Variants in PPP3CA observed in about 807,000 individuals in gnomAD.
The protein encoded by PPP3CA is CAM-PRP catalytic subunit.
In PPP3CA, 14 loss-of-function variants were observed where a neutral mutation model predicts 66.5. The observed-to-expected ratio is 0.21, with a 90% CI of 0.14 to 0.33. The LOEUF is 0.33. Among genes scored for constraint, PPP3CA ranks in the 10% least tolerant of loss-of-function variants. The pLI is 1.00. For missense variants in PPP3CA, 317 were observed against 639.5 expected, an observed-to-expected ratio of 0.50 and a Z score of 5.44; for synonymous variants, 232 against 226.2, an observed-to-expected ratio of 1.03 and a Z score of -0.23.
At chr4:101,216,080 CT>C (rs1457250282) in intron 1 of PPP3CA, among the ~76,000 whole-genome samples, 4 of 152,042 alleles carry the variant, frequency 2.6e-5, no homozygotes, top group Admixed American at 2.6e-4. Flanking sequence ...GATTTAATAT[CT>C]AATAGAAGAA....
chr4:101,098,296 G>T, intron 5 of PPP3CA, 71 bp downstream of exon 5: 1 of 1,412,622 alleles, frequency 7.1e-7, no homozygotes, highest in Non-Finnish European at 9.5e-7. Context: ...GATAAAGGCA[G>T]GGTAATTAAT....
chr4:101,192,102 A>G (rs1321466389), intron 2 of PPP3CA, among the ~76,000 whole-genome samples: 2 of 152,226 alleles, frequency 1.3e-5, no homozygotes, highest in African/African-American at 4.8e-5. Context: ...AAATATGAGA[A>G]CTTCAGGGAG....
At chr4:101,106,376 A>AGAAG in intron 3 of PPP3CA, among the ~76,000 whole-genome samples, 2 of 2,490 alleles carry the variant, frequency 8.0e-4, no homozygotes, top group Non-Finnish European at 2.2e-3. Flanking sequence ...AAGAGAGAAA[A>AGAAG]GAAAGAAAGA....
At chr4:101,321,658 A>C (rs1729045116) in intron 1 of PPP3CA, among the ~76,000 whole-genome samples, 1 of 152,230 alleles carries the variant, frequency 6.6e-6, no homozygotes, top group Admixed American at 6.5e-5. Flanking sequence ...GAACCCTTCC[A>C]GGCATACCGA....
intron 1 of PPP3CA, among the ~76,000 whole-genome samples, chr4:101,345,033 G>C (rs59224049): frequency 0.11 from 16,177 of 152,196 alleles, 2,920 homozygotes; most frequent in African/African-American, 0.37. Context: ...TCAAATAAAT[G>C]TGAATGGACT....
chr4:101,124,863 C>T (rs1195597998), intron 2 of PPP3CA, among the ~76,000 whole-genome samples: 1 of 152,108 alleles, frequency 6.6e-6, no homozygotes, highest in Non-Finnish European at 1.5e-5. Context: ...CCATCATTTA[C>T]AGAGCTCTTT....
At chr4:101,066,301 A>G (rs1197165517) in intron 8 of PPP3CA, among the ~76,000 whole-genome samples, 1 of 152,168 alleles carries the variant, frequency 6.6e-6, no homozygotes, top group Non-Finnish European at 1.5e-5. Flanking sequence ...AGGCCAGACT[A>G]CAAGATGGAA....
chr4:101,346,787 G>A lies in PPP3CA; in HGVS notation c.10C>T (p.Pro4Ser). ...GACAACTTGGGATCAATTGCCTTGG[G>A]CTCGGACATCTCCAGCTGCCGGAGG... MSE[P>S]KAIDPKLSTT... is the part of the protein sequence containing the mutation. The change falls in exon 1 of 14, where the codon CCC becomes TCC. Residue 4 changes from proline (P) to serine (S), a missense_variant. Pro to Ser is a moderately conservative substitution (Grantham distance 74, BLOSUM62 -1). Around this residue, in one of 3 missense-constraint regions of PPP3CA, gnomAD observed 76 missense variants for 99.5 expected, o/e 0.76. Coordinates refer to ENST00000394854, the MANE Select transcript of PPP3CA (RefSeq NM_000944.5). 1 of 1,611,300 alleles carries A rather than the reference G, an allele frequency of 6.2e-7. No homozygotes were observed.
chr4:101,273,866 A>G (rs147503851), intron 1 of PPP3CA, among the ~76,000 whole-genome samples: 50 of 152,350 alleles, frequency 3.3e-4, no homozygotes, highest in African/African-American at 1.1e-3. Context: ...TGATGAAATA[A>G]GAAAACATCT....
chr4:101,038,120 A>G (rs558810472), intron 11 of PPP3CA, among the ~76,000 whole-genome samples: 2 of 152,260 alleles, frequency 1.3e-5, no homozygotes, highest in African/African-American at 4.8e-5. Flanking sequence ...CCTGGCACTT[A>G]GCAAGTGCCC....
chr4:101,099,539 G>T, intron 4 of PPP3CA, 72 bp downstream of exon 4: 1 of 785,214 alleles, frequency 1.3e-6, no homozygotes, highest in South Asian at 1.9e-5. Flanking sequence ...CATATTGTAT[G>T]TATCTTATTA....
intron 2 of PPP3CA, among the ~76,000 whole-genome samples, chr4:101,114,891 A>G (rs1265628456): frequency 6.6e-6 from 1 of 152,022 alleles, no homozygotes; most frequent in African/African-American, 2.4e-5. Context: ...CCCAACCCCA[A>G]TATCACTGTT....
chr4:101,062,684 T>G (rs1434605518), intron 9 of PPP3CA, among the ~76,000 whole-genome samples: 1 of 151,962 alleles, frequency 6.6e-6, no homozygotes, highest in East Asian at 1.9e-4. Context: ...AAATGTAAAT[T>G]TGTCTCCTGT....
chr4:101,237,044 A>C (rs1487145883), intron 1 of PPP3CA, among the ~76,000 whole-genome samples: 1 of 150,280 alleles, frequency 6.7e-6, no homozygotes, highest in Non-Finnish European at 1.5e-5. Flanking sequence ...AAAATAATTC[A>C]TATAAAGCAC....
intron 1 of PPP3CA, among the ~76,000 whole-genome samples, chr4:101,292,392 G>A (rs191081962): frequency 6.6e-6 from 1 of 152,250 alleles, no homozygotes; most frequent in Non-Finnish European, 1.5e-5. Context: ...TGTTGTAACA[G>A]CTGAGAGCTT....
chr4:101,229,936 A>G (rs1725907521), intron 1 of PPP3CA, among the ~76,000 whole-genome samples: 2 of 151,782 alleles, frequency 1.3e-5, no homozygotes, highest in South Asian at 4.1e-4. Context: ...TTGGAAAAAG[A>G]GAGAGAGATA....
chr4:101,177,640 G>T (rs1441079500), intron 2 of PPP3CA, among the ~76,000 whole-genome samples: 1 of 152,002 alleles, frequency 6.6e-6, no homozygotes, highest in Admixed American at 6.6e-5. Flanking sequence ...TGGAATTCAG[G>T]TGCTAAGAAA....
At chr4:101,056,465 A>G (rs1728228078) in intron 10 of PPP3CA, among the ~76,000 whole-genome samples, 2 of 152,170 alleles carry the variant, frequency 1.3e-5, no homozygotes, top group African/African-American at 4.8e-5. Context: ...GCATCTCTAA[A>G]TTGCTATAGG....
chr4:101,027,254 T>C (rs530950601), intron 13 of PPP3CA, among the ~76,000 whole-genome samples: 23 of 139,944 alleles, frequency 1.6e-4, no homozygotes, highest in African/African-American at 3.9e-4. Context: ...CCAACCTTAT[T>C]TGGGGGGGAA....
Sources: gnomAD v4.1 joint callset for allele counts (sites outside exome capture counted in the v4.1 genomes callset) on GRCh38, gnomAD v4.1.1 for gene constraint, gnomAD v4.1.1 regional missense constraint, MANE v1.5 for transcripts, NCBI Gene and HGNC (gene_info 2026-07-23, HGNC 2026-07-21) for gene names.